INO80: variants seen among roughly 807,000 people sequenced by gnomAD.
INO80 encodes the protein INO80 complex ATPase subunit.
INO80 carries 20 observed loss-of-function variants against 203.4 expected under a neutral mutation model. That is an observed-to-expected ratio of 0.10 (90% CI 0.07 to 0.14). INO80 has a LOEUF of 0.14. Ranked by LOEUF, INO80 falls within the 10% of genes least tolerant of loss-of-function variation. The pLI is 1.00. For missense variants in INO80, 1,419 were observed against 1,914.4 expected, an observed-to-expected ratio of 0.74 and a Z score of 4.83; for synonymous variants, 726 against 685.2, an observed-to-expected ratio of 1.06 and a Z score of -0.93.
chr15:41,022,236 G>T (rs990480230), intron 25 of INO80, among the ~76,000 whole-genome samples: 5 of 152,232 alleles, frequency 3.3e-5, no homozygotes, highest in Non-Finnish European at 5.9e-5. Context: ...CGTATGAGAA[G>T]CAAAGGCCAC....
Position 41,069,684 on chromosome 15 carries a change from G to C in INO80, c.1687-19C>G. Reference sequence around the variant, plus strand: ...TCTCTCTCTGCAACAGAAAAACCCAGTCAGCCAACTACAGGAAAAGGGAAG... The same window carrying C: ...TCTCTCTCTGCAACAGAAAAACCCACTCAGCCAACTACAGGAAAAGGGAAG... On this transcript the variant is annotated intron_variant, in intron 13 of 35. Transcript: ENST00000648947. The C allele has an allele frequency of 7.0e-7, 1 of 1,427,126 alleles. No individual in the cohort carries two copies. The highest frequency in any genetic ancestry group is 9.8e-7 in the Non-Finnish European group (1 of 1,020,892). The allele number at this position is 1,427,126 out of a possible 1,614,324, so 88.4% of individuals were successfully genotyped here.
intron 20 of INO80, 63 bp from the exon 21 acceptor site, chr15:41,049,483 G>C (rs1175846278): frequency 6.7e-7 from 1 of 1,495,912 alleles, no homozygotes. Context: ...TAATGACAGG[G>C]GATCCCAAAT....
At chr15:41,063,345 T>A (rs1041661832) in intron 14 of INO80, among the ~76,000 whole-genome samples, 3 of 151,510 alleles carry the variant, frequency 2.0e-5, no homozygotes, top group Non-Finnish European at 2.9e-5. Context: ...TCAAAAAAAA[T>A]TTTAATGTAA....
Position 41,015,660 on chromosome 15 carries a change from G to A in INO80, c.3402+428C>T, listed in dbSNP as rs770436121. On this transcript the variant is annotated intron_variant, in intron 27 of 35. Coordinates refer to ENST00000648947, the MANE Select transcript of INO80 (RefSeq NM_017553.3). ...CAAAAAAAGGAGTTTTGGGGGCTGC[G>A]TGTGGTGGCTCATGCCTGTAATCCC... 8.6e-5 allele frequency among the ~76,000 whole-genome samples: 13 copies of A among 151,466 alleles called. 1 individual carries two copies. The highest frequency in any genetic ancestry group is 8.6e-4 in the Admixed American group (13 of 15,156).
intron 26 of INO80, among the ~76,000 whole-genome samples, chr15:41,016,642 T>G (rs1436423234): frequency 6.6e-6 from 1 of 152,246 alleles, no homozygotes; most frequent in Non-Finnish European, 1.5e-5. Flanking sequence ...ATTGAGAACG[T>G]ATCCTACCTG....
chr15:41,066,109 G>A (rs1049264566), intron 14 of INO80, among the ~76,000 whole-genome samples: 6 of 151,022 alleles, frequency 4.0e-5, no homozygotes, highest in African/African-American at 7.3e-5. Flanking sequence ...CTCCCGAGTA[G>A]CTGGGATTAC....
chr15:41,069,815 T>C (rs1351749468), intron 13 of INO80, 150 bp from the exon 14 acceptor site: 6 of 587,980 alleles, frequency 1.0e-5, no homozygotes, highest in Non-Finnish European at 1.8e-5. Context: ...TCAATAGTAA[T>C]ATCCTATGTT....
At chr15:40,986,587 G>A (rs2043736584) in intron 31 of INO80, among the ~76,000 whole-genome samples, 2 of 151,708 alleles carry the variant, frequency 1.3e-5, no homozygotes, top group Admixed American at 6.6e-5. Context: ...GCCTCCCAAA[G>A]TGCTGGGATT....
intron 29 of INO80, among the ~76,000 whole-genome samples, chr15:40,990,354 G>C (rs893102622): frequency 1.3e-5 from 2 of 152,110 alleles, no homozygotes; most frequent in South Asian, 2.1e-4. Flanking sequence ...TCTTGAAACT[G>C]TTTCTGTCTC....
intron 29 of INO80, among the ~76,000 whole-genome samples, chr15:40,989,384 C>T (rs897076347): frequency 1.5e-4 from 23 of 152,232 alleles, no homozygotes; most frequent in African/African-American, 5.1e-4. Flanking sequence ...AAAACAAACT[C>T]CTCAGTCCTC....
intron 24 of INO80, 86 bp from the exon 25 acceptor site, chr15:41,027,822 T>A: frequency 9.9e-7 from 1 of 1,012,658 alleles, no homozygotes; most frequent in Non-Finnish European, 1.4e-6. Context: ...ATTAAACATC[T>A]AACTTTAAGA....
chr15:41,023,768 C>CAAAAAAAAAAAAA, intron 25 of INO80, among the ~76,000 whole-genome samples: 1 of 63,552 alleles, frequency 1.6e-5, no homozygotes, highest in Non-Finnish European at 2.5e-5. Context: ...GACTCTGTCT[C>CAAAAAAAAAAAAA]AAAAAAAAAA....
chr15:41,085,471 A>G lies in INO80; in HGVS notation c.771T>C (p.Asp257=), dbSNP rs559059496. The change falls in exon 7 of 36, where the codon GAT becomes GAC. Residue 257 remains aspartate, a synonymous_variant. Transcript: ENST00000648947. Reference sequence around the variant, plus strand: ...TTTTCTTAGTGCCAGGGGGAGGTGCATCGTGAGAAAACTTGGCAAAGACTT... The same window carrying G: ...TTTTCTTAGTGCCAGGGGGAGGTGCGTCGTGAGAAAACTTGGCAAAGACTT... ...QTKVFAKFSH[D]APPPGTKKKH... is the part of the protein sequence containing the mutation. 2.5e-5 allele frequency: 41 copies of G among 1,614,198 alleles called. No individual in the cohort carries two copies. The East Asian group carries it at 8.2e-4, about 32-fold the overall frequency.
intron 19 of INO80, among the ~76,000 whole-genome samples, chr15:41,051,272 A>G (rs549151417): frequency 1.3e-5 from 2 of 151,858 alleles, no homozygotes; most frequent in South Asian, 2.1e-4. Flanking sequence ...ATGTTACTCT[A>G]TCTTTGCTCA....
intron 24 of INO80, among the ~76,000 whole-genome samples, chr15:41,042,488 T>C (rs1340983733): frequency 6.6e-6 from 1 of 152,032 alleles, no homozygotes; most frequent in Non-Finnish European, 1.5e-5. Flanking sequence ...ACAGTCTTTT[T>C]TCTGAGAGGG....
At chr15:41,038,189 T>A (rs1325646378) in intron 24 of INO80, among the ~76,000 whole-genome samples, 1 of 151,514 alleles carries the variant, frequency 6.6e-6, no homozygotes, top group Non-Finnish European at 1.5e-5. Context: ...TAGTTTTTTT[T>A]ATTTTTAGTA....
chr15:41,028,141 T>C (rs532862280), intron 24 of INO80, among the ~76,000 whole-genome samples: 1 of 143,334 alleles, frequency 7.0e-6, no homozygotes, highest in Non-Finnish European at 1.5e-5. Flanking sequence ...TCCTTCTAAA[T>C]TTTTTTTTTT....
intron 35 of INO80, among the ~76,000 whole-genome samples, chr15:40,982,102 A>G (rs987977582): frequency 2.0e-5 from 3 of 151,900 alleles, no homozygotes; most frequent in Non-Finnish European, 2.9e-5. Context: ...TCCCCTTCTC[A>G]TTGCTATTAT....
At chr15:41,048,737 A>C (rs1048927590) in intron 21 of INO80, among the ~76,000 whole-genome samples, 2 of 152,186 alleles carry the variant, frequency 1.3e-5, no homozygotes, top group Non-Finnish European at 2.9e-5. Flanking sequence ...TCAAATGTTG[A>C]TATGCAGAAA....
Sources: allele counts gnomAD v4.1 joint callset (sites outside exome capture counted in the v4.1 genomes callset), GRCh38; gene constraint gnomAD v4.1.1; transcripts MANE v1.5; gene names NCBI Gene and HGNC (gene_info 2026-07-23, HGNC 2026-07-21).